The following ARMCX4 variants were observed in gnomAD, a reference collection of about 807,000 sequenced individuals.
ARMCX4 encodes armadillo repeat containing X-linked 4.
ARMCX4 carries 3 observed loss-of-function variants against 34.7 expected under a neutral mutation model. The ratio of observed to expected loss-of-function variants is 0.09; its 90% confidence interval spans 0.04 to 0.22. ARMCX4 has a LOEUF of 0.22. ARMCX4 is among the 10% of genes least tolerant of loss of function. The pLI is 1.00. For synonymous variants in ARMCX4, 513 were observed against 632.8 expected, an observed-to-expected ratio of 0.81 and a Z score of 2.84; for missense variants, 1,448 against 1,720.8, an observed-to-expected ratio of 0.84 and a Z score of 2.81.
chrX:101,419,205 A>G (rs1929089584), intron 2 of ARMCX4: 3 of 111,216 alleles, frequency 2.7e-5, no homozygotes, highest in African/African-American at 3.3e-5. Context: ...TTCTCAAATT[A>G]TTTCACGCGT....
intron 4 of ARMCX4, among the ~76,000 whole-genome samples, chrX:101,471,477 G>A (rs1333649798): frequency 8.9e-6 from 1 of 112,267 alleles, no homozygotes; most frequent in Non-Finnish European, 1.9e-5. Context: ...CACGGAAGAG[G>A]TATTTGTCCC....
In ARMCX4 at chrX:101,480,417, T is replaced by C. The variant is rs575161095; in HGVS notation, c.-472-5606T>C. 2.0e-4 allele frequency among the ~76,000 whole-genome samples: 22 copies of C among 110,389 alleles called. No individual in the cohort carries two copies. The South Asian group carries it at 7.5e-3, about 38-fold the overall frequency. On this transcript the variant is annotated intron_variant and NMD_transcript_variant, in intron 4 of 15. Transcript: ENST00000433011. The stretch of plus-strand genomic sequence containing the variant: ...ACCCTGTCTCTACAAAACATAAAAA[T>C]TAGCTGGGCGTGGTGCCATGCATTT...
At chrX:101,424,651 C>A (rs1408183008) in intron 2 of ARMCX4, among the ~76,000 whole-genome samples, 2 of 112,007 alleles carry the variant, frequency 1.8e-5, no homozygotes, top group Non-Finnish European at 3.8e-5. Flanking sequence ...GCTACAGAAG[C>A]ATTCTATATT....
chrX:101,439,570 G>A (rs1306247239), intron 2 of ARMCX4, among the ~76,000 whole-genome samples: 4 of 112,057 alleles, frequency 3.6e-5, no homozygotes, highest in Non-Finnish European at 5.6e-5. Flanking sequence ...CCTGCAGAAT[G>A]TTTTCCAACT....
chrX:101,426,839 A>G lies in ARMCX4; in HGVS notation n.164+7839A>G, dbSNP rs1260526964. On this transcript the variant is annotated intron_variant and non_coding_transcript_variant, in intron 2 of 3. Coordinates refer to the ARMCX4 transcript ENST00000430461. ...GACTCCAAAGCCCATGATCTTAACC[A>G]TCACTCTAAAATATATCCTAAAAAT... 2.7e-5 allele frequency among the ~76,000 whole-genome samples: 3 copies of G among 111,699 alleles called. No homozygotes were observed. In the East Asian group the frequency reaches 8.5e-4, roughly 32 times the overall value.
At chrX:101,533,086 A>G (rs188195038) in exon 13 of ARMCX4, 191 of 108,794 alleles carry the variant, frequency 1.8e-3, no homozygotes, top group African/African-American at 6.0e-3. Flanking sequence ...ATCCTTAGGG[A>G]CTGCATCCCC....
chrX:101,488,686 C>A lies in ARMCX4; in HGVS notation c.97C>A (p.Gln33Lys). The A allele has an allele frequency of 2.6e-6, 3 of 1,156,099 alleles. No individual in the cohort carries two copies. Among genetic ancestry groups the A allele is most frequent in the Non-Finnish European group, 3.4e-6 (3 of 873,031 alleles). ...YIYKFTKGRA[Q>K]SVRTLARNGS... is the part of the protein sequence containing the mutation. ...TTACAAATTTACCAAGGGAAGAGCC[C>A]AGAGTGTGAGGACTCTTGCCAGAAA... Residue 33 changes from glutamine (Q) to lysine (K), a missense_variant, in exon 6 of 6, where the codon CAG (glutamine) becomes AAG (lysine). Physicochemically the swap from Gln to Lys is moderately conservative, Grantham distance 53. Coordinates refer to ENST00000423738, the MANE Select transcript of ARMCX4 (RefSeq NM_001256155.3).
chrX:101,489,610 G>T lies in ARMCX4; in HGVS notation c.1021G>T (p.Gly341Trp). ...EAIPGAKIDA[G>W]GNTNAMCKVG... ...CATTCCTGGGGCAAAGATTGATGCCGGGGGTAACACCAATGCCATGTGTAA... is the reference window on the plus strand; with the variant it reads ...CATTCCTGGGGCAAAGATTGATGCCTGGGGTAACACCAATGCCATGTGTAA... The change falls in exon 6 of 6, where the codon GGG becomes TGG. Residue 341 changes from glycine to tryptophan, a missense_variant. Transcript: ENST00000423738. 1 of 1,154,290 alleles carries T rather than the reference G, an allele frequency of 8.7e-7. No homozygotes were observed. Among genetic ancestry groups the T allele is most frequent in the Admixed American group, 2.6e-5 (1 of 38,696 alleles).
chrX:101,488,879 A>T lies in ARMCX4; in HGVS notation c.290A>T (p.His97Leu). 1.7e-6 allele frequency: 2 copies of T among 1,156,048 alleles called. No individual in the cohort carries two copies. Among genetic ancestry groups the T allele is most frequent in the Admixed American group, 2.6e-5 (1 of 38,733 alleles). The change falls in exon 6 of 6, where the codon CAC (histidine) becomes CTC (leucine). Residue 97 changes from histidine (H) to leucine (L), a missense_variant. Physicochemically the swap from His to Leu is moderately conservative, Grantham distance 99 (BLOSUM62 -3). Coordinates refer to ENST00000423738, the MANE Select transcript of ARMCX4 (RefSeq NM_001256155.3). Reference sequence around the variant, plus strand: ...ACCAAGGCCACTGCTATAGCCATACACAGAGCCAACTCTCAGGCCAAGGCA... The same window carrying T: ...ACCAAGGCCACTGCTATAGCCATACTCAGAGCCAACTCTCAGGCCAAGGCA... The part of the protein sequence containing the change: ...VETKATAIAI[H>L]RANSQAKAMV...
At chrX:101,484,961 G>A (rs1430522496), upstream of ARMCX4, among the ~76,000 whole-genome samples, 1 of 111,604 alleles carries the variant, frequency 9.0e-6, no homozygotes, top group Non-Finnish European at 1.9e-5. Context: ...AGCTCTACTT[G>A]CACCTTCTGC....
Position 101,490,173 on chromosome X carries a change from T to C in ARMCX4, c.1584T>C (p.Ala528=), listed in dbSNP as rs1328961509. 1 of 1,153,947 alleles carries C rather than the reference T, an allele frequency of 8.7e-7. No homozygotes were observed. Among genetic ancestry groups the C allele is most frequent in the African/African-American group, 1.8e-5 (1 of 55,639 alleles). The change falls in exon 6 of 6, where the codon GCT becomes GCC. Residue 528 remains alanine, a synonymous_variant. Transcript: ENST00000423738. ...GEALPNTRGK[A]RGKAKAKCKT... The stretch of plus-strand genomic sequence containing the variant: ...CCTTACCTAATACTAGAGGTAAGGC[T>C]AGGGGCAAAGCCAAAGCCAAGTGTA...
chrX:101,480,768 G>T (rs1314575613), upstream of ARMCX4, among the ~76,000 whole-genome samples: 2 of 111,782 alleles, frequency 1.8e-5, no homozygotes, highest in African/African-American at 6.5e-5. Flanking sequence ...AAATGCAAAT[G>T]GATGTTAAGC....
In ARMCX4 at chrX:101,487,688, A is replaced by T; in HGVS notation, c.-206A>T. 1 of 953,903 alleles carries T rather than the reference A, an allele frequency of 1.0e-6. No homozygotes were observed. The highest frequency in any genetic ancestry group is 1.4e-6 in the Non-Finnish European group (1 of 740,239). The allele number at this position is 953,903 out of a possible 1,213,427, so 78.6% of individuals were successfully genotyped here. A position where few individuals can be genotyped will look rare whatever the true frequency, so the allele number is the denominator to read the frequency against. ...AGGAGATTGCTCCTGATCAGTATAGACTGGTAAGAGTGTGGGGACTGCCTG... is the reference window on the plus strand; with the variant it reads ...AGGAGATTGCTCCTGATCAGTATAGTCTGGTAAGAGTGTGGGGACTGCCTG... On this transcript the variant is annotated 5_prime_UTR_variant, in exon 4 of 6. Coordinates refer to ENST00000423738, the MANE Select transcript of ARMCX4 (RefSeq NM_001256155.3).
chrX:101,429,386 A>T (rs1555991580), intron 2 of ARMCX4, among the ~76,000 whole-genome samples: 2 of 87,648 alleles, frequency 2.3e-5, no homozygotes. Context: ...TCCAGGCTGG[A>T]GTGCAATGAC....
chrX:101,458,342 A>C (rs1273951655), intron 4 of ARMCX4, among the ~76,000 whole-genome samples: 1 of 111,291 alleles, frequency 9.0e-6, no homozygotes, highest in Non-Finnish European at 1.9e-5. Context: ...GTAAAATAAC[A>C]TAAATAAGTA....
chrX:101,517,866 A>G (rs1934775537), intron 11 of ARMCX4, among the ~76,000 whole-genome samples: 1 of 111,480 alleles, frequency 9.0e-6, no homozygotes. Context: ...ACAAACAAAG[A>G]AATAATAGAA....
chrX:101,506,211 C>G (rs782792103), intron 8 of ARMCX4, among the ~76,000 whole-genome samples: 1 of 112,295 alleles, frequency 8.9e-6, no homozygotes, highest in South Asian at 3.7e-4. Flanking sequence ...ACTGCTCCCT[C>G]AGCCCCTGCA....
rs1251709109 is a variant in ARMCX4, at chrX:101,493,870, G to C, written c.5281G>C (p.Asp1761His). The C allele has an allele frequency of 1.7e-6, 2 of 1,152,718 alleles. No homozygotes were observed. The highest frequency in any genetic ancestry group is 1.9e-5 in the South Asian group (1 of 52,543). 95.0% of individuals were successfully genotyped at this position (1,152,718 alleles called of 1,213,427 possible). A position where few individuals can be genotyped will look rare whatever the true frequency, so the allele number is the denominator to read the frequency against. ...AGCTGATATTGTGTCCAGGCCTGATGATAAAGATGAGGCCACTACTGCATC... is the reference window on the plus strand; with the variant it reads ...AGCTGATATTGTGTCCAGGCCTGATCATAAAGATGAGGCCACTACTGCATC... ...EKADIVSRPD[D>H]KDEATTASRS... is the part of the protein sequence containing the mutation. Residue 1761 changes from aspartate (D) to histidine (H), a missense_variant, in exon 6 of 6, where the codon GAT (aspartate) becomes CAT (histidine). By Grantham distance (81) the Asp-to-His change is moderately conservative. Around this residue, in one of 2 missense-constraint regions of ARMCX4, gnomAD observed 1,343 missense variants for 1,540.7 expected, o/e 0.87. Transcript: ENST00000423738.
chrX:101,493,354 G>C lies in ARMCX4; in HGVS notation c.4765G>C (p.Ala1589Pro). 3.5e-6 allele frequency: 4 copies of C among 1,155,685 alleles called. No homozygotes were observed. The highest frequency in any genetic ancestry group is 4.6e-6 in the Non-Finnish European group (4 of 872,773). Residue 1589 changes from alanine to proline, a missense_variant, in exon 6 of 6, where the codon GCT becomes CCT. Coordinates refer to ENST00000423738, the MANE Select transcript of ARMCX4 (RefSeq NM_001256155.3). ...QAIGGGFWPG[A>P]GDQTGGGSRP... ...CATTGGAGGGGGGTTCTGGCCTGGT[G>C]CTGGGGACCAGACTGGTGGAGGCTC...
Sources: gnomAD v4.1 joint callset for allele counts (sites outside exome capture counted in the v4.1 genomes callset) on GRCh38, gnomAD v4.1.1 for gene constraint, gnomAD v4.1.1 regional missense constraint, MANE v1.5 for transcripts, NCBI Gene and HGNC (gene_info 2026-07-23, HGNC 2026-07-21) for gene names.